Variants in KIAA1328 observed in about 807,000 individuals in gnomAD.
KIAA1328 encodes KIAA1328.
KIAA1328 carries 52 observed loss-of-function variants against 68.1 expected under a neutral mutation model. The observed-to-expected ratio is 0.76, with a 90% CI of 0.61 to 0.96. The LOEUF is 0.96. Ranked by LOEUF, KIAA1328 falls within the 40% of genes least tolerant of loss-of-function variation. KIAA1328 has a pLI of 0.00. For synonymous variants in KIAA1328, 232 were observed against 239.4 expected (o/e 0.97, Z 0.28); for missense variants, 641 against 677.6 (o/e 0.95, Z 0.60).
At chr18:37,147,708 T>G (rs553206234) in intron 7 of KIAA1328, among the ~76,000 whole-genome samples, 1 of 152,326 alleles carries the variant, frequency 6.6e-6, no homozygotes, top group Non-Finnish European at 1.5e-5. Context: ...GTGGGCTTTC[T>G]AGTATTCTTA....
At chr18:36,983,795 T>C (rs952376119) in intron 6 of KIAA1328, among the ~76,000 whole-genome samples, 3 of 152,132 alleles carry the variant, frequency 2.0e-5, no homozygotes, top group Non-Finnish European at 2.9e-5. Context: ...TACCCTGATA[T>C]GCAAACCAAA....
intron 5 of KIAA1328, among the ~76,000 whole-genome samples, chr18:36,906,049 C>T (rs1312093300): frequency 2.6e-5 from 4 of 152,086 alleles, no homozygotes; most frequent in African/African-American, 9.7e-5. Context: ...TGTATACTTC[C>T]TTCTACCTTT....
chr18:37,101,722 C>G (rs1408449365), intron 7 of KIAA1328, among the ~76,000 whole-genome samples: 2 of 152,144 alleles, frequency 1.3e-5, no homozygotes, highest in African/African-American at 4.8e-5. Flanking sequence ...TTGTCAGATT[C>G]ACCAAAGTTG....
At position 36,958,269 on chromosome 18, in the gene KIAA1328, G is replaced by C. The variant is rs1462102806; in HGVS notation, c.449-1039G>C. Among the ~76,000 whole-genome samples, 4 of 152,038 alleles carry C rather than the reference G, an allele frequency of 2.6e-5. No individual in the cohort carries two copies. The East Asian group carries it at 7.7e-4, about 29-fold the overall frequency. On this transcript the variant is annotated intron_variant, in intron 5 of 9. Transcript: ENST00000280020. ...TGCCATGTTGAATATGTATATACAA[G>C]TTTTTGTGTGTACATATGTTTTTTA...
intron 6 of KIAA1328, among the ~76,000 whole-genome samples, chr18:36,971,853 T>C (rs2052229677): frequency 6.6e-6 from 1 of 151,998 alleles, no homozygotes; most frequent in Non-Finnish European, 1.5e-5. Context: ...TGAAGCCTAC[T>C]AAAAGGTAAA....
chr18:36,953,995 C>CTTTTTTTTTTTTTTTTTTTT (rs71168249), intron 5 of KIAA1328, among the ~76,000 whole-genome samples: 1 of 113,548 alleles, frequency 8.8e-6, no homozygotes, highest in Non-Finnish European at 1.7e-5. Flanking sequence ...CTGATTGTTT[C>CTTTTTTTTTTTTTTTTTTTT]TTTTTTTTTT....
At chr18:37,094,592 A>G (rs1033555231) in intron 7 of KIAA1328, among the ~76,000 whole-genome samples, 2 of 152,318 alleles carry the variant, frequency 1.3e-5, no homozygotes, top group African/African-American at 4.8e-5. Context: ...GAGGAACAAA[A>G]GGTGCCAAAT....
At chr18:37,116,286 C>T (rs1164312080) in intron 7 of KIAA1328, among the ~76,000 whole-genome samples, 4 of 152,224 alleles carry the variant, frequency 2.6e-5, no homozygotes. Context: ...GTAACCAAAA[C>T]AGCATGGTAC....
At chr18:37,195,328 A>G (rs2059983475) in intron 9 of KIAA1328, among the ~76,000 whole-genome samples, 1 of 151,960 alleles carries the variant, frequency 6.6e-6, no homozygotes, top group Admixed American at 6.6e-5. Flanking sequence ...ATATAATTAC[A>G]TTTGTCTATT....
At chr18:37,103,803 T>TACACACAC (rs60337954) in intron 7 of KIAA1328, among the ~76,000 whole-genome samples, 12 of 145,656 alleles carry the variant, frequency 8.2e-5, no homozygotes, top group Admixed American at 7.5e-4. Context: ...CAATAGCAAA[T>TACACACAC]ACACACACAC....
intron 6 of KIAA1328, among the ~76,000 whole-genome samples, chr18:37,040,908 A>G (rs182026983): frequency 1.3e-4 from 20 of 151,684 alleles, no homozygotes; most frequent in Non-Finnish European, 2.5e-4. Context: ...TGGAGAATAT[A>G]TTTTCTGTGA....
chr18:37,062,373 G>C (rs1001288969), intron 6 of KIAA1328, among the ~76,000 whole-genome samples: 1 of 151,702 alleles, frequency 6.6e-6, no homozygotes, highest in African/African-American at 2.4e-5. Context: ...TTATAAATTG[G>C]TGCCCTTGAT....
At chr18:36,977,207 C>A (rs2052504760) in intron 6 of KIAA1328, among the ~76,000 whole-genome samples, 1 of 152,170 alleles carries the variant, frequency 6.6e-6, no homozygotes, top group Non-Finnish European at 1.5e-5. Flanking sequence ...ATCCACTGTT[C>A]TTCATTCTTT....
intron 7 of KIAA1328, among the ~76,000 whole-genome samples, chr18:37,153,426 T>C (rs2059081333): frequency 6.6e-6 from 1 of 152,122 alleles, no homozygotes; most frequent in Non-Finnish European, 1.5e-5. Context: ...AGAAAGGATA[T>C]ATCTATGGAA....
intron 6 of KIAA1328, among the ~76,000 whole-genome samples, chr18:37,035,902 C>T (rs113053149): frequency 0.025 from 3,839 of 151,988 alleles, 64 homozygotes; most frequent in Middle Eastern, 0.075. Context: ...CTCTTTTTTT[C>T]TCTCTCTCCT....
At chr18:37,005,188 A>C (rs1446523027) in intron 6 of KIAA1328, among the ~76,000 whole-genome samples, 1 of 152,048 alleles carries the variant, frequency 6.6e-6, no homozygotes, top group Non-Finnish European at 1.5e-5. Flanking sequence ...CCACTAAAGC[A>C]CTTACTCATG....
At chr18:36,945,292 A>G (rs1233651223) in intron 5 of KIAA1328, among the ~76,000 whole-genome samples, 2 of 152,202 alleles carry the variant, frequency 1.3e-5, no homozygotes, top group African/African-American at 2.4e-5. Flanking sequence ...TGAACAGTCC[A>G]CATAAGCTTA....
At chr18:36,923,027 T>G (rs2049984902) in intron 5 of KIAA1328, among the ~76,000 whole-genome samples, 1 of 152,120 alleles carries the variant, frequency 6.6e-6, no homozygotes, top group African/African-American at 2.4e-5. Context: ...ATTGATTTTT[T>G]CCTTTAATTT....
rs894213700 is a variant in KIAA1328, at chr18:37,120,091, T to C, written c.1233-40109T>C. 2.0e-5 allele frequency among the ~76,000 whole-genome samples: 3 copies of C among 152,242 alleles called. No individual in the cohort carries two copies. The South Asian group carries it at 6.2e-4, about 32-fold the overall frequency. On this transcript the variant is annotated intron_variant, in intron 7 of 9. Transcript: ENST00000280020. ...TGAAACTTTCCTGGAAATCTAAAAC[T>C]CTTCCAAAATGAACACTTTATTTTC...
Sources: allele counts gnomAD v4.1 joint callset (sites outside exome capture counted in the v4.1 genomes callset), GRCh38; gene constraint gnomAD v4.1.1; transcripts MANE v1.5; gene names NCBI Gene and HGNC (gene_info 2026-07-23, HGNC 2026-07-21).